Variants in SASH1 observed in about 807,000 individuals in gnomAD.
The protein encoded by SASH1 is SAM and SH3 domain-containing protein 1.
In SASH1, 44 loss-of-function variants were observed where a neutral mutation model predicts 125.2. The ratio of observed to expected loss-of-function variants is 0.35; its 90% CI spans 0.28 to 0.45. The LOEUF (loss-of-function observed/expected upper bound fraction) is 0.45, where lower values mean the gene tolerates loss of function less well. Among genes scored for constraint, SASH1 ranks in the 20% least tolerant of loss-of-function variants. The pLI, the probability that SASH1 is intolerant of heterozygous loss-of-function variation, is 1.00. For missense variants in SASH1, 1,426 were observed against 1,614.5 expected (o/e 0.88, Z 2.00); for synonymous variants, 639 against 649.1 (o/e 0.98, Z 0.24).
chr6:148,227,242 C>A, the SASH1 span, among the ~76,000 whole-genome samples: 10 of 152,268 alleles, frequency 6.6e-5, no homozygotes, highest in Admixed American at 5.2e-4. Flanking sequence ...CTCTCTCCTC[C>A]ATTAGAAGGT....
intron 1 of SASH1, among the ~76,000 whole-genome samples, chr6:148,361,930 T>C (rs1434163360): frequency 2.4e-5 from 3 of 122,684 alleles, no homozygotes; most frequent in Non-Finnish European, 3.7e-5. Flanking sequence ...TTTTTTTTTT[T>C]TGAGACAGAG....
intron 7 of SASH1, chr6:148,480,298 GCAAA>G (rs1562446235): frequency 6.8e-6 from 1 of 146,306 alleles, no homozygotes; most frequent in Non-Finnish European, 1.5e-5. Context: ...TCTAGCCTGG[GCAAA>G]CAGAGCAAAA....
intron 1 of SASH1, among the ~76,000 whole-genome samples, chr6:148,334,586 C>T (rs980736850): frequency 7.3e-5 from 11 of 151,102 alleles, no homozygotes; most frequent in Admixed American, 5.3e-4. Context: ...CCGAGGCAGG[C>T]GGATCACCTG....
chr6:148,376,800 C>T lies in SASH1; in HGVS notation c.157-13334C>T, dbSNP rs138992654. On this transcript the variant is annotated intron_variant, in intron 1 of 19. Transcript: ENST00000367467. ...GGAGGATCACTTGAGCCCAGGAATT[C>T]GAGGTTACAGTGAACGGTGGTTGCA... is the stretch of plus-strand genomic sequence containing the variant. 3.3e-5 allele frequency among the ~76,000 whole-genome samples: 5 copies of T among 152,118 alleles called. No individual in the cohort carries two copies. The East Asian group carries it at 7.8e-4, about 24-fold the overall frequency.
chr6:148,448,977 T>TG (rs924581857), intron 4 of SASH1, among the ~76,000 whole-genome samples: 11 of 152,196 alleles, frequency 7.2e-5, no homozygotes, highest in African/African-American at 2.4e-4. Context: ...TGCCAAATCC[T>TG]GTTTTTCAAC....
intron 16 of SASH1, among the ~76,000 whole-genome samples, chr6:148,539,460 G>T (rs1378104459): frequency 6.6e-6 from 1 of 152,020 alleles, no homozygotes; most frequent in Non-Finnish European, 1.5e-5. Context: ...GTGGATTTTG[G>T]TTTTCTACTC....
At position 148,543,779 on chromosome 6, in the gene SASH1, C is replaced by G; in HGVS notation, c.2309C>G (p.Pro770Arg). The G allele has an allele frequency of 1.2e-6, 2 of 1,613,980 alleles. No homozygotes were observed. The highest frequency in any genetic ancestry group is 1.7e-6 in the Non-Finnish European group (2 of 1,179,936). Residue 770 changes from proline to arginine, a missense_variant, in exon 18 of 20, where the codon CCT (proline) becomes CGT (arginine). Around this residue, in one of 3 missense-constraint regions of SASH1, gnomAD observed 634 missense variants for 694.4 expected, o/e 0.91. Coordinates refer to ENST00000367467, the MANE Select transcript of SASH1 (RefSeq NM_015278.5). ...RNQLGNYPTL[P>R]LMKSGDALKQ... ...CAGTTGGGCAATTACCCAACATTGC[C>G]TTTAATGAAATCAGGGGATGCACTG... is the stretch of plus-strand genomic sequence containing the variant.
At chr6:148,440,116 G>C (rs1255523671) in intron 2 of SASH1, 68 bp from the exon 3 acceptor site, 2 of 1,452,692 alleles carry the variant, frequency 1.4e-6, no homozygotes, top group Non-Finnish European at 1.9e-6. Context: ...CTTCTTACAT[G>C]TCTATTTGTC....
At chr6:148,319,506 G>GT (rs1404098905) in intron 1 of SASH1, among the ~76,000 whole-genome samples, 3 of 151,480 alleles carry the variant, frequency 2.0e-5, no homozygotes, top group Non-Finnish European at 2.9e-5. Context: ...TAAGATTTTT[G>GT]TTTTTTTGTT....
intron 8 of SASH1, among the ~76,000 whole-genome samples, chr6:148,503,496 A>G (rs1342573693): frequency 6.6e-6 from 1 of 152,192 alleles, no homozygotes; most frequent in African/African-American, 2.4e-5. Context: ...TGTATTGACT[A>G]TTTCTTGACA....
In SASH1 at chr6:148,310,008, T is replaced by C. The variant is rs144558014; in HGVS notation, n.74+37631T>C. Among the ~76,000 whole-genome samples, 515 of 152,232 alleles carry C rather than the reference T, an allele frequency of 3.4e-3. 2 individuals are homozygous for C. The highest frequency in any genetic ancestry group is 0.011 in the African/African-American group (472 of 41,550). ...AAATTAAAAATATAAACAAGCATAG[T>C]ACAGGAAGTACATGGTAAAACTTAG... On this transcript the variant is annotated intron_variant and non_coding_transcript_variant, in intron 1 of 3. Transcript: ENST00000367469.
rs369419293 is a variant in SASH1, at chr6:148,461,006, G to T, written c.387-7539G>T. Among the ~76,000 whole-genome samples, 25 of 152,358 alleles carry T rather than the reference G, an allele frequency of 1.6e-4. No homozygotes were observed. The East Asian group carries it at 2.3e-3, about 14-fold the overall frequency. On this transcript the variant is annotated intron_variant, in intron 4 of 19. Transcript: ENST00000367467. ...CTGCTGGAGAAGACTAAGTTCGTCA[G>T]TTTGGGACTGCTCTGTGAATAGTTA...
the SASH1 span, among the ~76,000 whole-genome samples, chr6:148,250,918 G>A: frequency 6.4e-4 from 98 of 152,234 alleles, no homozygotes; most frequent in Middle Eastern, 6.8e-3. Flanking sequence ...ACTTTGTGCC[G>A]GTCTCTGAAG....
intron 1 of SASH1, among the ~76,000 whole-genome samples, chr6:148,287,099 A>G (rs1161783406): frequency 6.6e-6 from 1 of 152,088 alleles, no homozygotes; most frequent in East Asian, 1.9e-4. Flanking sequence ...CAGGTCTCTG[A>G]TGGCATCAGG....
intron 2 of SASH1, among the ~76,000 whole-genome samples, chr6:148,415,623 A>G (rs1330804630): frequency 2.0e-5 from 3 of 152,198 alleles, no homozygotes; most frequent in African/African-American, 2.4e-5. Context: ...GATAAATACA[A>G]ATAGGTTTGA....
At chr6:148,387,042 G>T (rs1406344496) in intron 1 of SASH1, among the ~76,000 whole-genome samples, 2 of 148,630 alleles carry the variant, frequency 1.3e-5, no homozygotes, top group African/African-American at 5.0e-5. Flanking sequence ...TTTCTTTCTT[G>T]CTTTCTCCCT....
At chr6:148,524,100 TATATATA>T (rs1780979891) in intron 10 of SASH1, among the ~76,000 whole-genome samples, 1 of 92,498 alleles carries the variant, frequency 1.1e-5, no homozygotes, top group African/African-American at 3.6e-5. Context: ...CAGTTAATTA[TATATATA>T]TATATATATA....
chr6:148,361,748 T>G (rs1473960401), intron 1 of SASH1, among the ~76,000 whole-genome samples: 1 of 151,930 alleles, frequency 6.6e-6, no homozygotes, highest in East Asian at 1.9e-4. Context: ...CATGGCAGCA[T>G]AGAAACCGAC....
At chr6:148,501,350 T>A (rs1779553321) in intron 8 of SASH1, among the ~76,000 whole-genome samples, 2 of 152,226 alleles carry the variant, frequency 1.3e-5, no homozygotes, top group Admixed American at 1.3e-4. Context: ...GCTTCTGGGA[T>A]GAACACTTTC....
Sources: allele counts gnomAD v4.1 joint callset (sites outside exome capture counted in the v4.1 genomes callset), GRCh38; gene constraint gnomAD v4.1.1; regional missense constraint gnomAD v4.1.1; transcripts MANE v1.5; gene names NCBI Gene and HGNC (gene_info 2026-07-23, HGNC 2026-07-21).